AKR1B15: variants seen among roughly 807,000 people sequenced by gnomAD.
The protein encoded by AKR1B15 is estradiol 17-beta-dehydrogenase AKR1B15.
A neutral mutation model predicts 38.5 loss-of-function variants in AKR1B15; 49 were observed. The ratio of observed to expected loss-of-function variants is 1.27; its 90% confidence interval spans 1.01 to 1.62. The LOEUF (loss-of-function observed/expected upper bound fraction) is 1.62, where lower values mean the gene tolerates loss of function less well. Among genes scored for constraint, AKR1B15 ranks in the 40% most tolerant of loss-of-function variants. The pLI, the probability that AKR1B15 is intolerant of heterozygous loss-of-function variation, is 0.00. For synonymous variants in AKR1B15, 137 were observed against 135.5 expected, an observed-to-expected ratio of 1.01 and a Z score of -0.08; for missense variants, 411 against 381.6, an observed-to-expected ratio of 1.08 and a Z score of -0.64.
At chr7:134,572,452 C>G (rs182815573) in intron 6 of AKR1B15, among the ~76,000 whole-genome samples, 2 of 152,004 alleles carry the variant, frequency 1.3e-5, no homozygotes, top group African/African-American at 4.8e-5. Context: ...CAGAGTAAAA[C>G]GCTGTCTCTA....
intron 2 of AKR1B15, among the ~76,000 whole-genome samples, chr7:134,562,885 T>C (rs900504956): frequency 1.5e-5 from 2 of 132,890 alleles, no homozygotes; most frequent in South Asian, 2.3e-4. Flanking sequence ...TTTCTTTCTT[T>C]CTTTCCTTCT....
rs375750709 is a variant in AKR1B15, at chr7:134,575,441, G to T, written c.535G>T (p.Glu179Ter). ...ATAGGCCATGGAGGAGCTGGTGGAC[G>T]AGGGGCTGGTGAAAGCCCTTGGGGT... is the stretch of plus-strand genomic sequence containing the variant. Reference protein sequence around the residue: ...AWEAMEELVDEGLVKALGVSN... With the variant: ...AWEAMEELVD Residue 179 changes from glutamate (E) to a stop codon, truncating the protein, a stop_gained, in exon 7 of 12, where the codon GAG becomes TAG. Transcript: ENST00000457545. LOFTEE classifies it high-confidence loss of function. 6.2e-7 allele frequency: 1 copy of T among 1,613,712 alleles called. No homozygotes were observed. The highest frequency in any genetic ancestry group is 8.5e-7 in the Non-Finnish European group (1 of 1,179,808).
At position 134,569,443 on chromosome 7, in the gene AKR1B15, G is replaced by T. The variant is rs763038162; in HGVS notation, c.349G>T (p.Val117Leu). ...VWPTFFERPL[V>L]RKAFEKTLKD... The stretch of plus-strand genomic sequence containing the variant: ...GCCCACTTTCTTTGAGAGACCCCTT[G>T]TGAGGAAAGCCTTTGAGAAGACCCT... Residue 117 changes from valine to leucine, a missense_variant, in exon 5 of 12, where the codon GTG (valine) becomes TTG (leucine). Physicochemically the swap from Val to Leu is conservative, Grantham distance 32. Transcript: ENST00000457545. The T allele has an allele frequency of 6.2e-7, 1 of 1,613,950 alleles. No individual in the cohort carries two copies. The highest frequency in any genetic ancestry group is 8.5e-7 in the Non-Finnish European group (1 of 1,179,974).
intron 4 of AKR1B15, 103 bp downstream of exon 4, chr7:134,568,428 C>T (rs1794591953): frequency 1.4e-5 from 21 of 1,480,862 alleles, no homozygotes; most frequent in East Asian, 9.1e-5. Context: ...TACGTGTACC[C>T]GTTTTCATCT....
chr7:134,573,233 G>A (rs1794700485), intron 6 of AKR1B15: 1 of 233,608 alleles, frequency 4.3e-6, no homozygotes, highest in Non-Finnish European at 7.0e-6. Context: ...GTTTCACCAT[G>A]TTGGCCAGGC....
At chr7:134,552,668 C>G (rs1334535588) in intron 1 of AKR1B15, among the ~76,000 whole-genome samples, 1 of 152,102 alleles carries the variant, frequency 6.6e-6, no homozygotes, top group Non-Finnish European at 1.5e-5. Context: ...CTGTCTCTAA[C>G]CCTTATACTT....
chr7:134,574,820 G>C (rs1330549141), intron 6 of AKR1B15, among the ~76,000 whole-genome samples: 2 of 152,212 alleles, frequency 1.3e-5, no homozygotes, highest in African/African-American at 4.8e-5. Flanking sequence ...CAGTGGGTCA[G>C]GTTTTAGCCC....
At chr7:134,560,080 C>A (rs539364469) in intron 2 of AKR1B15, among the ~76,000 whole-genome samples, 1 of 151,816 alleles carries the variant, frequency 6.6e-6, no homozygotes, top group South Asian at 2.1e-4. Context: ...TGCACTCCAG[C>A]CTGGGTGACA....
intron 2 of AKR1B15, among the ~76,000 whole-genome samples, chr7:134,562,827 C>CT (rs1562946867): frequency 0.012 from 1,703 of 138,188 alleles, 47 homozygotes; most frequent in African/African-American, 0.044. Flanking sequence ...TTCCTTCCTT[C>CT]CTTTCTCTTT....
intron 5 of AKR1B15, 129 bp downstream of exon 5, chr7:134,569,658 T>G: frequency 1.1e-6 from 1 of 917,550 alleles, no homozygotes; most frequent in African/African-American, 1.7e-5. Flanking sequence ...GGACATTTCT[T>G]AATTCCCCAC....
chr7:134,574,861 AG>A (rs1399299177), intron 6 of AKR1B15, among the ~76,000 whole-genome samples: 1 of 152,178 alleles, frequency 6.6e-6, no homozygotes, highest in Non-Finnish European at 1.5e-5. Context: ...TGCCCCTGCT[AG>A]GGCGTAATTT....
rs766128986 is a variant in AKR1B15 at position 134,568,261 on chromosome 7, A to C, written c.254A>C (p.Glu85Ala). The change falls in exon 4 of 12, where the codon GAA becomes GCA. Residue 85 changes from glutamate to alanine, a missense_variant. By Grantham distance (107) the Glu-to-Ala change is moderately radical. Around this residue, in one of 3 missense-constraint regions of AKR1B15, gnomAD observed 254 missense variants for 212.4 expected, o/e 1.20. Coordinates refer to ENST00000457545, the MANE Select transcript of AKR1B15 (RefSeq NM_001080538.3). ...TATGAGAATCAACATGAGGTGGGAG[A>C]AGCCATCCAAGAGAAGATCCAAGAG... is the stretch of plus-strand genomic sequence containing the variant. ...YFYENQHEVGEAIQEKIQEKA... is the reference protein window; with the variant it reads ...YFYENQHEVGAAIQEKIQEKA... 5.0e-6 allele frequency: 8 copies of C among 1,613,972 alleles called. No homozygotes were observed. The highest frequency in any genetic ancestry group is 2.7e-5 in the African/African-American group (2 of 74,914).
chr7:134,560,070 T>C (rs1375614398), intron 2 of AKR1B15, among the ~76,000 whole-genome samples: 3 of 151,578 alleles, frequency 2.0e-5, no homozygotes, highest in Non-Finnish European at 2.9e-5. Context: ...ATTGGGCAAC[T>C]GCACTCCAGC....
At chr7:134,572,924 C>T (rs9691031) in intron 6 of AKR1B15, among the ~76,000 whole-genome samples, 2 of 152,072 alleles carry the variant, frequency 1.3e-5, no homozygotes, top group Non-Finnish European at 2.9e-5. Context: ...GTGTTTTACA[C>T]GGGAAAATAT....
intron 11 of AKR1B15, 63 bp downstream of exon 11, chr7:134,577,849 G>T: frequency 6.4e-7 from 1 of 1,563,728 alleles, no homozygotes; most frequent in Non-Finnish European, 8.8e-7. Context: ...TAGAGGGTTA[G>T]TTGGAAGGAT....
At chr7:134,577,896 T>C in intron 11 of AKR1B15, 110 bp downstream of exon 11, 1 of 1,273,760 alleles carries the variant, frequency 7.9e-7, no homozygotes, top group Non-Finnish European at 1.1e-6. Context: ...CTTCAAATAC[T>C]ATTTTGGGGC....
At chr7:134,572,572 G>A (rs1794688851) in intron 6 of AKR1B15, among the ~76,000 whole-genome samples, 2 of 151,338 alleles carry the variant, frequency 1.3e-5, no homozygotes, top group Non-Finnish European at 2.9e-5. Flanking sequence ...AGGTTGCATT[G>A]AGCCAAGATT....
In AKR1B15 at chr7:134,572,749, T is replaced by C. The variant is rs188829896; in HGVS notation, c.513+1068T>C. On this transcript the variant is annotated intron_variant, in intron 6 of 11. Coordinates refer to ENST00000457545, the MANE Select transcript of AKR1B15 (RefSeq NM_001080538.3). The stretch of plus-strand genomic sequence containing the variant: ...AAAATGAATTAAGGGATGAATGTTT[T>C]CTCTGGCCATTTTTTATTATACCAT... Among the ~76,000 whole-genome samples, 93 of 152,326 alleles carry C rather than the reference T, an allele frequency of 6.1e-4. 1 individual carries two copies. Among genetic ancestry groups the C allele is most frequent in the African/African-American group, 2.0e-3 (83 of 41,570 alleles).
intron 11 of AKR1B15, among the ~76,000 whole-genome samples, chr7:134,579,099 T>C (rs1362439895): frequency 1.3e-5 from 2 of 152,234 alleles, no homozygotes; most frequent in South Asian, 4.1e-4. Flanking sequence ...CCATTGAACC[T>C]TAGCTTAGAA....
Sources: allele counts gnomAD v4.1 joint callset (sites outside exome capture counted in the v4.1 genomes callset), GRCh38; gene constraint gnomAD v4.1.1; regional missense constraint gnomAD v4.1.1; transcripts MANE v1.5; gene names NCBI Gene and HGNC (gene_info 2026-07-23, HGNC 2026-07-21).